GPR89B: variants seen among roughly 807,000 people sequenced by gnomAD.
GPR89B encodes G protein-coupled receptor 89B.
A neutral mutation model predicts 52.4 loss-of-function variants in GPR89B; 25 were observed. The ratio of observed to expected loss-of-function variants is 0.48; its 90% CI spans 0.35 to 0.67. The LOEUF is 0.67. Among genes scored for constraint, GPR89B ranks in the 30% least tolerant of loss-of-function variants. GPR89B has a pLI of 0.01. For missense variants in GPR89B, 146 were observed against 450.2 expected, an observed-to-expected ratio of 0.32 and a Z score of 6.11; for synonymous variants, 52 against 151.2, an observed-to-expected ratio of 0.34 and a Z score of 4.81.
chr1:148,002,038 C>CCTTTTTTTTTTTTTTTT, the GPR89B span, among the ~76,000 whole-genome samples: 2 of 130,048 alleles, frequency 1.5e-5, no homozygotes, highest in Non-Finnish European at 1.6e-5. Flanking sequence ...CCAGATGCTG[C>CCTTTTTTTTTTTTTTTT]TTTTTTTTTT....
intron 10 of GPR89B, among the ~76,000 whole-genome samples, chr1:147,981,827 A>C (rs1212554707): frequency 2.0e-5 from 3 of 150,894 alleles, no homozygotes; most frequent in African/African-American, 7.4e-5. Context: ...TGATTTTTCT[A>C]TTTTTAGTAG....
At chr1:147,955,232 G>T (rs1470690855) in intron 7 of GPR89B, among the ~76,000 whole-genome samples, 1 of 151,952 alleles carries the variant, frequency 6.6e-6, no homozygotes, top group Admixed American at 6.6e-5. Flanking sequence ...ACAAATGAAA[G>T]AATTTCCTTC....
At chr1:147,997,468 C>T (rs1203506254), downstream of GPR89B, among the ~76,000 whole-genome samples, 1 of 152,082 alleles carries the variant, frequency 6.6e-6, no homozygotes, top group Admixed American at 6.6e-5. Context: ...AGATCTACAG[C>T]CGCAGCCCCC....
intron 1 of GPR89B, among the ~76,000 whole-genome samples, chr1:147,933,978 G>A (rs1653866268): frequency 6.6e-6 from 1 of 151,374 alleles, no homozygotes; most frequent in Admixed American, 6.6e-5. Flanking sequence ...TCAGTGATTG[G>A]ACATCCACTC....
intron 11 of GPR89B, among the ~76,000 whole-genome samples, chr1:147,987,052 GC>G (rs1658719802): frequency 1.3e-5 from 2 of 151,734 alleles, no homozygotes; most frequent in Non-Finnish European, 2.9e-5. Flanking sequence ...AGCCAGACGT[GC>G]CCCTAATCTC....
At chr1:147,983,110 A>T (rs1187539030) in intron 10 of GPR89B, among the ~76,000 whole-genome samples, 3 of 152,210 alleles carry the variant, frequency 2.0e-5, no homozygotes, top group African/African-American at 7.2e-5. Flanking sequence ...GTGCTGGGAA[A>T]ACTGGCTAGC....
Position 147,985,289 on chromosome 1 carries a change from T to C in GPR89B, c.910-910T>C, listed in dbSNP as rs1398905789. On this transcript the variant is annotated intron_variant, in intron 10 of 13. Transcript: ENST00000314163. ...TAATATAGACATTCTAGCTTTCTTT[T>C]GATTAGTGTTAGCATAATATATTTT... Among the ~76,000 whole-genome samples the C allele has an allele frequency of 9.9e-5, 15 of 152,198 alleles. 1 individual carries two copies. Among genetic ancestry groups the C allele is most frequent in the African/African-American group, 3.6e-4 (15 of 41,496 alleles).
chr1:147,966,297 C>T (rs1242359029), intron 7 of GPR89B, among the ~76,000 whole-genome samples: 2 of 151,518 alleles, frequency 1.3e-5, no homozygotes, highest in African/African-American at 4.9e-5. Context: ...ACTCTAAGAC[C>T]TCCCAGCTTC....
At chr1:147,937,138 A>G (rs1654156080) in intron 2 of GPR89B, among the ~76,000 whole-genome samples, 2 of 151,856 alleles carry the variant, frequency 1.3e-5, no homozygotes, top group Non-Finnish European at 2.9e-5. Flanking sequence ...TCTGAGAAAT[A>G]AAGAGAAAGA....
At chr1:147,963,832 C>T (rs1656822242) in intron 7 of GPR89B, among the ~76,000 whole-genome samples, 1 of 152,130 alleles carries the variant, frequency 6.6e-6, no homozygotes. Flanking sequence ...AACAATTGCA[C>T]TCCTGGGCAT....
rs1658767499 is a variant in GPR89B at position 147,987,695 on chromosome 1, A to G, written c.1006-737A>G. ...GTTTATGCTATATTTTGTAATTCTG[A>G]ATAACAAATCATTTAGATGTTAGTA... On this transcript the variant is annotated intron_variant, in intron 11 of 13. Coordinates refer to ENST00000314163, the MANE Select transcript of GPR89B (RefSeq NM_016334.5). 3.3e-5 allele frequency among the ~76,000 whole-genome samples: 5 copies of G among 152,214 alleles called. No homozygotes were observed. The South Asian group carries it at 8.3e-4, about 25-fold the overall frequency.
At chr1:147,939,479 G>A (rs1379929099) in intron 3 of GPR89B, among the ~76,000 whole-genome samples, 2 of 152,116 alleles carry the variant, frequency 1.3e-5, no homozygotes, top group African/African-American at 2.4e-5. Flanking sequence ...ACTTTGTTGT[G>A]CTTTTTTATC....
At chr1:147,975,675 T>G (rs1657782580) in intron 10 of GPR89B, among the ~76,000 whole-genome samples, 1 of 152,262 alleles carries the variant, frequency 6.6e-6, no homozygotes, top group Non-Finnish European at 1.5e-5. Flanking sequence ...GCTGTGACCT[T>G]GGTTATTTCT....
chr1:148,005,834 C>G, the GPR89B span, among the ~76,000 whole-genome samples: 1 of 151,906 alleles, frequency 6.6e-6, no homozygotes, highest in Non-Finnish European at 1.5e-5. Flanking sequence ...TGTCCAAGAC[C>G]ATGCTTCTGT....
chr1:148,014,467 C>G, the GPR89B span: 1 of 151,058 alleles, frequency 6.6e-6, no homozygotes, highest in East Asian at 1.9e-4. Flanking sequence ...CCACCGCGGA[C>G]GAGGGCCCCG....
chr1:148,004,323 A>AT, the GPR89B span, among the ~76,000 whole-genome samples: 2,253 of 141,502 alleles, frequency 0.016, 20 homozygotes, highest in Non-Finnish European at 0.019. Flanking sequence ...CACCTGGCTA[A>AT]TTTTTTTTTT....
chr1:148,021,295 G>A, the GPR89B span, among the ~76,000 whole-genome samples: 1 of 151,592 alleles, frequency 6.6e-6, no homozygotes, highest in East Asian at 2.0e-4. Flanking sequence ...GAGGTCAGGA[G>A]ATCGAGACCA....
the GPR89B span, among the ~76,000 whole-genome samples, chr1:148,019,291 A>G: frequency 6.6e-6 from 1 of 151,482 alleles, no homozygotes; most frequent in Non-Finnish European, 1.5e-5. Flanking sequence ...AGTGCACATT[A>G]TCTTTAGCAA....
chr1:147,993,643 C>G (rs1659228681), downstream of GPR89B: 1 of 153,304 alleles, frequency 6.5e-6, no homozygotes, highest in African/African-American at 2.4e-5. Context: ...GGGGTGAAAC[C>G]GTGAATAACT....
Sources: allele counts gnomAD v4.1 joint callset (sites outside exome capture counted in the v4.1 genomes callset), GRCh38; gene constraint gnomAD v4.1.1; transcripts MANE v1.5; gene names NCBI Gene and HGNC (gene_info 2026-07-23, HGNC 2026-07-21).